The following NET1 variants were observed in gnomAD, a reference collection of about 807,000 sequenced individuals.
The protein encoded by NET1 is neuroepithelial cell transforming 1.
NET1 carries 42 observed loss-of-function variants against 61.1 expected under a neutral mutation model. That is an observed-to-expected ratio of 0.69 (90% confidence interval 0.54 to 0.89). NET1 has a LOEUF of 0.89. NET1 is among the 40% of genes least tolerant of loss of function. The pLI, the probability that NET1 is intolerant of heterozygous loss-of-function variation, is 0.00. For missense variants in NET1, 654 were observed against 747.3 expected (o/e 0.88, Z 1.46); for synonymous variants, 254 against 281.8 (o/e 0.90, Z 0.99).
At position 5,424,630 on chromosome 10, in the gene NET1, T is replaced by A. The variant is rs748414612; in HGVS notation, c.129-2025T>A. On this transcript the variant is annotated intron_variant, in intron 1 of 11. Coordinates refer to ENST00000355029, the MANE Select transcript of NET1 (RefSeq NM_001047160.3). The surrounding 1 kb of genome is among the most constrained non-coding windows in gnomAD (Gnocchi z 6.1). ...CACTAAAGAGGCCGTCAAAAATAGT[T>A]TGAGCTCCATGAGTAGTCTTCCTGT... Among the ~76,000 whole-genome samples the A allele has an allele frequency of 2.0e-5, 3 of 152,182 alleles. No homozygotes were observed. The highest frequency in any genetic ancestry group is 2.9e-5 in the Non-Finnish European group (2 of 68,028).
chr10:5,446,525 G>A lies in NET1; in HGVS notation c.256-5305G>A. The stretch of plus-strand genomic sequence containing the variant: ...AGCTCTCAGTTAACTGAAGTCACGT[G>A]GTGGTGGACCCCGCCCCCAGGGCCC... On this transcript the variant is annotated intron_variant, in intron 3 of 11. Transcript: ENST00000355029. The surrounding 1 kb of genome is among the most constrained non-coding windows in gnomAD (Gnocchi z 5.0). The A allele has an allele frequency of 9.0e-7, 1 of 1,111,396 alleles. No individual in the cohort carries two copies. The highest frequency in any genetic ancestry group is 1.1e-6 in the Non-Finnish European group (1 of 909,474). The allele number at this position is 1,111,396 out of a possible 1,614,324, so 68.8% of individuals were successfully genotyped here. A position where few individuals can be genotyped will look rare whatever the true frequency, so the allele number is the denominator to read the frequency against.
chr10:5,438,506 T>C (rs1832472951), intron 3 of NET1, among the ~76,000 whole-genome samples: 1 of 152,040 alleles, frequency 6.6e-6, no homozygotes, highest in Non-Finnish European at 1.5e-5. Flanking sequence ...AATGGACAAA[T>C]TCCTAGAAAC....
In NET1 at chr10:5,458,730, A is replaced by G. The variant is rs1832851205; in HGVS notation, c.*1736A>G. On this transcript the variant is annotated 3_prime_UTR_variant, in exon 12 of 12. Transcript: ENST00000355029. The surrounding 1 kb of genome is among the most constrained non-coding windows in gnomAD (Gnocchi z 4.5). The stretch of plus-strand genomic sequence containing the variant: ...TAGGATAGTAAGGGTAGTAGTGGCA[A>G]AGGATCCTGATTAATTTCAGATTTT... Among the ~76,000 whole-genome samples the G allele has an allele frequency of 6.6e-6, 1 of 152,192 alleles. No homozygotes were observed. The highest frequency in any genetic ancestry group is 2.4e-5 in the African/African-American group (1 of 41,452).
At position 5,454,269 on chromosome 10, in the gene NET1, C is replaced by T. The variant is rs893612064; in HGVS notation, c.773C>T (p.Pro258Leu). 2 of 1,610,866 alleles carry T rather than the reference C, an allele frequency of 1.2e-6. No homozygotes were observed. Among genetic ancestry groups the T allele is most frequent in the Non-Finnish European group, 1.7e-6 (2 of 1,179,072 alleles). The change falls in exon 9 of 12, where the codon CCG becomes CTG. Residue 258 changes from proline (P) to leucine (L), a missense_variant. Physicochemically the swap from Pro to Leu is moderately conservative, Grantham distance 98 (BLOSUM62 -3). Coordinates refer to ENST00000355029, the MANE Select transcript of NET1 (RefSeq NM_001047160.3). The surrounding 1 kb of genome is among the most constrained non-coding windows in gnomAD (Gnocchi z 8.1). ...TTTTCTTTTATTACTCTTCAGTTACCGCGCTTGAATGCCTACAGAGGTTAC... is the reference window on the plus strand; with the variant it reads ...TTTTCTTTTATTACTCTTCAGTTACTGCGCTTGAATGCCTACAGAGGTTAC... Reference protein sequence around the residue: ...QIGHILVSWLPRLNAYRGYCS... With the variant: ...QIGHILVSWLLRLNAYRGYCS...
rs1832729156 is a variant in NET1, at chr10:5,452,761, A to T, written c.532-97A>T. On this transcript the variant is annotated intron_variant, in intron 5 of 11. Coordinates refer to ENST00000355029, the MANE Select transcript of NET1 (RefSeq NM_001047160.3). This position sits in a 1 kb window ranked among gnomAD's most constrained non-coding sequence, Gnocchi z 4.0. ...CAATTTTCAGACTGAGTTACTTTTT[A>T]AAATGCCGTTCAAAACATCAAATAA... 1 of 1,181,370 alleles carries T rather than the reference A, an allele frequency of 8.5e-7. No homozygotes were observed. The highest frequency in any genetic ancestry group is 1.2e-6 in the Non-Finnish European group (1 of 819,706). The allele number at this position is 1,181,370 out of a possible 1,614,324, so 73.2% of individuals were successfully genotyped here.
In NET1 at chr10:5,455,966, T is replaced by A. The variant is rs1832789804; in HGVS notation, c.1198-121T>A. On this transcript the variant is annotated intron_variant, in intron 10 of 11. Coordinates refer to ENST00000355029, the MANE Select transcript of NET1 (RefSeq NM_001047160.3). The surrounding 1 kb of genome is among the most constrained non-coding windows in gnomAD (Gnocchi z 6.5). ...CTTTATGGATTACTAGATTTGTCAC[T>A]TAGAGAGATCTTCGAAAAATAAATC... is the stretch of plus-strand genomic sequence containing the variant. 1 of 1,001,254 alleles carries A rather than the reference T, an allele frequency of 1.0e-6. No individual in the cohort carries two copies. The highest frequency in any genetic ancestry group is 1.4e-6 in the Non-Finnish European group (1 of 699,760). The allele number at this position is 1,001,254 out of a possible 1,614,324, so 62.0% of individuals were successfully genotyped here.
At chr10:5,448,851 C>A (rs947135702) in intron 3 of NET1, among the ~76,000 whole-genome samples, 6 of 151,964 alleles carry the variant, frequency 3.9e-5, no homozygotes, top group African/African-American at 1.5e-4. Flanking sequence ...TGTTCCACTC[C>A]CCCTTCATCA....
At position 5,427,803 on chromosome 10, in the gene NET1, G is replaced by C. The variant is rs973093707; in HGVS notation, c.195+1082G>C. Among the ~76,000 whole-genome samples, 3 of 152,168 alleles carry C rather than the reference G, an allele frequency of 2.0e-5. No individual in the cohort carries two copies. Among genetic ancestry groups the C allele is most frequent in the African/African-American group, 7.2e-5 (3 of 41,440 alleles). On this transcript the variant is annotated intron_variant, in intron 2 of 11. Coordinates refer to ENST00000355029, the MANE Select transcript of NET1 (RefSeq NM_001047160.3). The surrounding 1 kb of genome is among the most constrained non-coding windows in gnomAD (Gnocchi z 4.1). Reference sequence around the variant, plus strand: ...CCTGGTGTGCAGTCATTTCCTAGGGGATAGATTCTGTTCCTTGTTTTCTTT... The same window carrying C: ...CCTGGTGTGCAGTCATTTCCTAGGGCATAGATTCTGTTCCTTGTTTTCTTT...
chr10:5,454,803 A>G lies in NET1; in HGVS notation c.1027-145A>G. The G allele has an allele frequency of 1.2e-6, 1 of 805,266 alleles. No homozygotes were observed. Among genetic ancestry groups the G allele is most frequent in the Non-Finnish European group, 1.9e-6 (1 of 517,380 alleles). The allele number at this position is 805,266 out of a possible 1,614,324, so 49.9% of individuals were successfully genotyped here. ...CTAGGACTGTTTCTTGATCTATAAA[A>G]TGAACAGACTGGCAGAATTAACTGA... On this transcript the variant is annotated intron_variant, in intron 9 of 11. Coordinates refer to ENST00000355029, the MANE Select transcript of NET1 (RefSeq NM_001047160.3). This position sits in a 1 kb window ranked among gnomAD's most constrained non-coding sequence, Gnocchi z 8.1.
rs1273753721 is a variant in NET1 at position 5,440,567 on chromosome 10, C to G, written c.256-11263C>G. Reference sequence around the variant, plus strand: ...AGTCCGTAACTCTGATGGCTGATCTCTGCATTTTCTCCTGGTGTGCAATAC... The same window carrying G: ...AGTCCGTAACTCTGATGGCTGATCTGTGCATTTTCTCCTGGTGTGCAATAC... On this transcript the variant is annotated intron_variant, in intron 3 of 11. Coordinates refer to ENST00000355029, the MANE Select transcript of NET1 (RefSeq NM_001047160.3). The surrounding 1 kb of genome is among the most constrained non-coding windows in gnomAD (Gnocchi z 4.1). Among the ~76,000 whole-genome samples the G allele has an allele frequency of 6.6e-6, 1 of 152,196 alleles. No homozygotes were observed. Among genetic ancestry groups the G allele is most frequent in the Non-Finnish European group, 1.5e-5 (1 of 68,038 alleles).
At chr10:5,434,656 G>A (rs7090709) in intron 3 of NET1, among the ~76,000 whole-genome samples, 1 of 150,766 alleles carries the variant, frequency 6.6e-6, no homozygotes, top group Non-Finnish European at 1.5e-5. Flanking sequence ...GGTTTAAGGG[G>A]AATCTTTCTC....
chr10:5,455,365 C>A lies in NET1; in HGVS notation c.1197+247C>A, dbSNP rs1232283799. On this transcript the variant is annotated intron_variant, in intron 10 of 11. Transcript: ENST00000355029. This position sits in a 1 kb window ranked among gnomAD's most constrained non-coding sequence, Gnocchi z 6.5. ...AAATCAACTTGTTAGGCCAGGGGTT[C>A]CTGTCTAAATACAGTATTAGTTCCA... Among the ~76,000 whole-genome samples, 1 of 151,940 alleles carries A rather than the reference C, an allele frequency of 6.6e-6. No individual in the cohort carries two copies. Among genetic ancestry groups the A allele is most frequent in the East Asian group, 1.9e-4 (1 of 5,194 alleles).
In NET1 at chr10:5,454,009, C is replaced by A. The variant is rs952952692; in HGVS notation, c.769-256C>A. ...CACTCAAGTGTCCTGGGAGCACAGACTGCCAGTGTCTGAGGTTGGAGGGGA... is the reference window on the plus strand; with the variant it reads ...CACTCAAGTGTCCTGGGAGCACAGAATGCCAGTGTCTGAGGTTGGAGGGGA... On this transcript the variant is annotated intron_variant, in intron 8 of 11. Coordinates refer to ENST00000355029, the MANE Select transcript of NET1 (RefSeq NM_001047160.3). The surrounding 1 kb of genome is among the most constrained non-coding windows in gnomAD (Gnocchi z 8.1). Among the ~76,000 whole-genome samples the A allele has an allele frequency of 6.6e-6, 1 of 152,198 alleles. No homozygotes were observed. The highest frequency in any genetic ancestry group is 1.5e-5 in the Non-Finnish European group (1 of 68,032).
At chr10:5,418,460 T>C (rs1832114971) in intron 1 of NET1, among the ~76,000 whole-genome samples, 1 of 152,156 alleles carries the variant, frequency 6.6e-6, no homozygotes, top group African/African-American at 2.4e-5. Flanking sequence ...TATTTCTTTA[T>C]AATCCTTTTC....
chr10:5,418,445 C>T (rs1832114844), intron 1 of NET1, among the ~76,000 whole-genome samples: 1 of 152,072 alleles, frequency 6.6e-6, no homozygotes, highest in African/African-American at 2.4e-5. Context: ...CTTCCTTGTT[C>T]ATAGTATTTC....
intron 3 of NET1, among the ~76,000 whole-genome samples, chr10:5,436,248 A>ATATATATAT (rs1564462826): frequency 5.4e-5 from 1 of 18,428 alleles, no homozygotes; most frequent in Non-Finnish European, 9.3e-5. Context: ...ATATATATAT[A>ATATATATAT]TTTTTTTTTT....
At position 5,446,006 on chromosome 10, in the gene NET1, T is replaced by A. The variant is rs895367503; in HGVS notation, c.256-5824T>A. 1.1e-4 allele frequency among the ~76,000 whole-genome samples: 17 copies of A among 152,152 alleles called. No homozygotes were observed. The highest frequency in any genetic ancestry group is 3.6e-4 in the African/African-American group (15 of 41,430). On this transcript the variant is annotated intron_variant, in intron 3 of 11. Transcript: ENST00000355029. This position sits in a 1 kb window ranked among gnomAD's most constrained non-coding sequence, Gnocchi z 5.0. ...AAAAGATCCAGAAAAAATATCTACC[T>A]CTAAGAAATACTGAATTTTGAAATC...
chr10:5,428,428 T>C (rs574607319), intron 2 of NET1, among the ~76,000 whole-genome samples: 90 of 106,408 alleles, frequency 8.5e-4, no homozygotes, highest in African/African-American at 3.1e-3. Context: ...TTAATTACTT[T>C]GGGCCATGAG....
rs1832705449 is a variant in NET1 at position 5,451,639 on chromosome 10, A to G, written c.256-191A>G. ...TTTGACTGGCCTTTCTTACACACTTATTTTTTGAAAAGTTACTGCTACTCA... is the reference window on the plus strand; with the variant it reads ...TTTGACTGGCCTTTCTTACACACTTGTTTTTTGAAAAGTTACTGCTACTCA... On this transcript the variant is annotated intron_variant, in intron 3 of 11. Transcript: ENST00000355029. This position sits in a 1 kb window ranked among gnomAD's most constrained non-coding sequence, Gnocchi z 6.1. Among the ~76,000 whole-genome samples the G allele has an allele frequency of 1.3e-5, 2 of 151,894 alleles. No individual in the cohort carries two copies. Among genetic ancestry groups the G allele is most frequent in the Admixed American group, 1.3e-4 (2 of 15,252 alleles).
Sources: gnomAD v4.1 joint callset for allele counts (sites outside exome capture counted in the v4.1 genomes callset) on GRCh38, gnomAD v4.1.1 for gene constraint, Gnocchi (gnomAD v3.1) non-coding constraint, MANE v1.5 for transcripts, NCBI Gene and HGNC (gene_info 2026-07-23, HGNC 2026-07-21) for gene names.